Variants in SLC9B1 observed in about 807,000 individuals in gnomAD.
The protein encoded by SLC9B1 is sodium/hydrogen exchanger 9B1.
In SLC9B1, 32 loss-of-function variants were observed where a neutral mutation model predicts 51.7. The ratio of observed to expected loss-of-function variants is 0.62; its 90% CI spans 0.47 to 0.83. The LOEUF (loss-of-function observed/expected upper bound fraction) is 0.83, where lower values mean the gene tolerates loss of function less well. Ranked by LOEUF, SLC9B1 falls within the 40% of genes least tolerant of loss-of-function variation. The pLI, the probability that SLC9B1 is intolerant of heterozygous loss-of-function variation, is 0.00. For missense variants in SLC9B1, 406 were observed against 613.2 expected (o/e 0.66, Z 3.57); for synonymous variants, 145 against 212.7 (o/e 0.68, Z 2.77).
chr4:102,949,489 G>C, intron 3 of SLC9B1, 62 bp from the exon 4 acceptor site: 1 of 1,328,138 alleles, frequency 7.5e-7, no homozygotes, highest in Non-Finnish European at 9.9e-7. Context: ...ACAAACAAAG[G>C]ATCAATTCTC....
chr4:102,887,694 A>T lies in SLC9B1; in HGVS notation c.1333-2366T>A, dbSNP rs542097737. 3.2e-5 allele frequency: 9 copies of T among 284,384 alleles called. No individual in the cohort carries two copies. The East Asian group carries it at 5.4e-4, about 17-fold the overall frequency. The allele number at this position is 284,384 out of a possible 1,614,324, so 17.6% of individuals were successfully genotyped here. Reference sequence around the variant, plus strand: ...AGGAAAACCTAAATTGTGGCTATGGATCCAAAGCTGTTTGTTTCTTTGAAT... The same window carrying T: ...AGGAAAACCTAAATTGTGGCTATGGTTCCAAAGCTGTTTGTTTCTTTGAAT... On this transcript the variant is annotated intron_variant, in intron 11 of 11. Coordinates refer to the SLC9B1 transcript ENST00000394789.
At chr4:102,995,082 C>A (rs1376754008) in intron 1 of SLC9B1, among the ~76,000 whole-genome samples, 1 of 152,014 alleles carries the variant, frequency 6.6e-6, no homozygotes, top group Non-Finnish European at 1.5e-5. Flanking sequence ...GGAGTTAGAG[C>A]CATTAAAAAG....
downstream of SLC9B1, among the ~76,000 whole-genome samples, chr4:102,899,490 T>C (rs113631758): frequency 1.7e-3 from 253 of 151,982 alleles, 5 homozygotes; most frequent in African/African-American, 6.0e-3. Flanking sequence ...CTCAGCTCAC[T>C]GCAACCTCTG....
chr4:102,930,610 G>T (rs926097319), intron 7 of SLC9B1, among the ~76,000 whole-genome samples: 1 of 151,708 alleles, frequency 6.6e-6, no homozygotes, highest in Non-Finnish European at 1.5e-5. Flanking sequence ...TCACCATGTT[G>T]GTTGGCCAGG....
At chr4:102,916,055 T>C (rs1735562815) in intron 7 of SLC9B1, among the ~76,000 whole-genome samples, 1 of 151,926 alleles carries the variant, frequency 6.6e-6, no homozygotes, top group African/African-American at 2.4e-5. Flanking sequence ...AAGACATACA[T>C]AAAACAATAA....
In SLC9B1 at chr4:103,015,311, AT is replaced by A. The variant is rs1464180720; in HGVS notation, c.-2+4287del. On this transcript the variant is annotated intron_variant, in intron 1 of 11. Transcript: ENST00000296422. ...AAAAAAAAAAAAAAATCAGGCCACA[AT>A]TTTTTTTAATGTTGACCAGAAGGGT... Among the ~76,000 whole-genome samples the A allele has an allele frequency of 6.6e-5, 10 of 151,632 alleles. No homozygotes were observed. The South Asian group carries it at 1.9e-3, about 28-fold the overall frequency.
At chr4:102,921,792 CAA>C (rs1301219515) in intron 7 of SLC9B1, among the ~76,000 whole-genome samples, 1 of 152,026 alleles carries the variant, frequency 6.6e-6, no homozygotes, top group Non-Finnish European at 1.5e-5. Context: ...TTTAAACCAA[CAA>C]AGATCAAAAG....
chr4:102,924,143 C>T (rs1239226603), intron 7 of SLC9B1, among the ~76,000 whole-genome samples: 1 of 152,172 alleles, frequency 6.6e-6, no homozygotes. Flanking sequence ...ATCACACTAC[C>T]TGACTTCAAA....
chr4:103,011,670 G>A (rs72941781), intron 1 of SLC9B1, among the ~76,000 whole-genome samples: 281 of 152,260 alleles, frequency 1.8e-3, no homozygotes, highest in African/African-American at 6.5e-3. Context: ...TACAGACTTA[G>A]CACCACATGG....
chr4:102,945,228 A>G lies in SLC9B1; in HGVS notation c.618T>C (p.Ile206=). 1 of 1,609,060 alleles carries G rather than the reference A, an allele frequency of 6.2e-7. No homozygotes were observed. Among genetic ancestry groups the G allele is most frequent in the Non-Finnish European group, 8.5e-7 (1 of 1,176,556 alleles). ...ASAAAVFSHF[I]MKFPWQWAFL... is the part of the protein sequence containing the mutation. ...ATGCCCATTGCCAGGGAAATTTCAT[A>G]ATGAAGTGTGAAAAAACAGCAGCTG... The change falls in exon 6 of 12, where the codon ATT becomes ATC. Residue 206 remains isoleucine, a synonymous_variant. Transcript: ENST00000296422.
chr4:102,975,586 A>ATATT (rs1217142990), intron 3 of SLC9B1, among the ~76,000 whole-genome samples: 59 of 62,302 alleles, frequency 9.5e-4, no homozygotes, highest in Middle Eastern at 0.016. Context: ...ATATATATAT[A>ATATT]TTTTTTTTTT....
At chr4:102,999,978 T>A (rs1740434530) in intron 1 of SLC9B1, among the ~76,000 whole-genome samples, 1 of 152,170 alleles carries the variant, frequency 6.6e-6, no homozygotes, top group South Asian at 2.1e-4. Flanking sequence ...AGGACCCTCT[T>A]CACATGGTGG....
chr4:102,948,209 T>C (rs1737362534), intron 4 of SLC9B1, among the ~76,000 whole-genome samples: 1 of 152,002 alleles, frequency 6.6e-6, no homozygotes, highest in Non-Finnish European at 1.5e-5. Flanking sequence ...ATCCACTTAT[T>C]CTAGTTCAGG....
chr4:102,892,663 C>T (rs1017905595), intron 11 of SLC9B1: 3 of 152,092 alleles, frequency 2.0e-5, no homozygotes, highest in Non-Finnish European at 2.9e-5. Flanking sequence ...TCAGATAGAT[C>T]AGCCATAATG....
Position 102,906,623 on chromosome 4 carries a change from T to C in SLC9B1, c.1108A>G (p.Thr370Ala), listed in dbSNP as rs559867252. The C allele has an allele frequency of 8.3e-5, 132 of 1,584,098 alleles. No homozygotes were observed. In the Middle Eastern group the frequency reaches 9.1e-4, roughly 11 times the overall value. ...GGTTGAAAAATATCCCATACAGTCGTAATAATCTTTTGGACTTTCATCTAT... is the reference window on the plus strand; with the variant it reads ...GGTTGAAAAATATCCCATACAGTCGCAATAATCTTTTGGACTTTCATCTAT... ...QEKMKVQKII[T>A]TVWDIFQPLL... is the part of the protein sequence containing the mutation. The change falls in exon 10 of 12, where the codon ACG becomes GCG. Residue 370 changes from threonine (T) to alanine (A), a missense_variant. Thr to Ala is a moderately conservative substitution (Grantham distance 58, BLOSUM62 0). Transcript: ENST00000296422.
At chr4:102,996,115 C>T (rs932769644) in intron 1 of SLC9B1, among the ~76,000 whole-genome samples, 1 of 152,086 alleles carries the variant, frequency 6.6e-6, no homozygotes, top group East Asian at 1.9e-4. Flanking sequence ...GTTGTGGTGA[C>T]ATTGCATTAT....
chr4:102,948,329 C>CACACACAA (rs1553982881), intron 4 of SLC9B1, among the ~76,000 whole-genome samples: 1 of 144,344 alleles, frequency 6.9e-6, no homozygotes, highest in African/African-American at 2.7e-5. Context: ...AAGCCATACA[C>CACACACAA]ACACACACAC....
At position 102,959,235 on chromosome 4, in the gene SLC9B1, T is replaced by TATAC. The variant is rs1005783670; in HGVS notation, c.212-9809_212-9808insGTAT. Among the ~76,000 whole-genome samples the TATAC allele has an allele frequency of 2.1e-3, 319 of 149,452 alleles. 5 individuals carry two copies. Among genetic ancestry groups the TATAC allele is most frequent in the African/African-American group, 7.7e-3 (312 of 40,616 alleles). On this transcript the variant is annotated intron_variant, in intron 3 of 11. Coordinates refer to ENST00000296422, the MANE Select transcript of SLC9B1 (RefSeq NM_139173.4). ...AGATTAGGAGACATACATATATATA[T>TATAC]ACACACACACACACACACACACATA...
downstream of SLC9B1, among the ~76,000 whole-genome samples, chr4:102,899,808 C>T (rs567467505): frequency 6.6e-6 from 1 of 152,176 alleles, no homozygotes; most frequent in African/African-American, 2.4e-5. Context: ...AATTTGAGTA[C>T]TAGAATTACA....
Sources: gnomAD v4.1 joint callset for allele counts (sites outside exome capture counted in the v4.1 genomes callset) on GRCh38, gnomAD v4.1.1 for gene constraint, MANE v1.5 for transcripts, NCBI Gene and HGNC (gene_info 2026-07-23, HGNC 2026-07-21) for gene names.